Variants in TRIO observed in about 807,000 individuals in gnomAD.
The protein encoded by TRIO is triple functional domain protein.
Under a neutral mutation model 351.9 loss-of-function variants are expected in TRIO, and 58 were observed. The ratio of observed to expected loss-of-function variants is 0.16; its 90% confidence interval spans 0.13 to 0.21. TRIO has a LOEUF of 0.21. Ranked by LOEUF, TRIO falls within the 10% of genes least tolerant of loss-of-function variation. The pLI is 1.00. For missense variants in TRIO, 3,201 were observed against 4,027.8 expected (o/e 0.79, Z 5.56); for synonymous variants, 1,758 against 1,595.7 (o/e 1.10, Z -2.42).
intron 41 of TRIO, chr5:14,477,315 G>A (rs1363114971): frequency 1.6e-5 from 3 of 184,796 alleles, no homozygotes; most frequent in Non-Finnish European, 3.3e-5. Flanking sequence ...CAAATAGTGT[G>A]GATATCGAAA....
chr5:14,380,332 CTCCT>C (rs1196916759), intron 20 of TRIO, among the ~76,000 whole-genome samples: 4 of 108,278 alleles, frequency 3.7e-5, no homozygotes, highest in Admixed American at 1.8e-4. Flanking sequence ...GCCCCGCCTC[CTCCT>C]TCGCTCCTCG....
chr5:14,243,807 G>A (rs1176933449), intron 1 of TRIO, among the ~76,000 whole-genome samples: 1 of 152,090 alleles, frequency 6.6e-6, no homozygotes, highest in East Asian at 1.9e-4. Flanking sequence ...TTTTGGTATA[G>A]GCATGCCAAT....
chr5:14,492,339 A>G (rs954465647), intron 48 of TRIO: 7 of 584,264 alleles, frequency 1.2e-5, no homozygotes, highest in African/African-American at 3.7e-5. Context: ...TGAATTTTTT[A>G]AGAGCGTCCC....
At chr5:14,448,315 CA>C (rs1752587944) in intron 34 of TRIO, among the ~76,000 whole-genome samples, 4 of 152,268 alleles carry the variant, frequency 2.6e-5, no homozygotes, top group Non-Finnish European at 1.5e-5. Flanking sequence ...CAGAGTGCCG[CA>C]GCAGGCTGTC....
chr5:14,446,186 G>A (rs1752427321), intron 34 of TRIO, among the ~76,000 whole-genome samples: 1 of 146,746 alleles, frequency 6.8e-6, no homozygotes, highest in Non-Finnish European at 1.5e-5. Flanking sequence ...TGATCACTCC[G>A]AGGCTTGACA....
At chr5:14,203,571 C>G (rs1791270836) in intron 1 of TRIO, among the ~76,000 whole-genome samples, 1 of 152,128 alleles carries the variant, frequency 6.6e-6, no homozygotes, top group Non-Finnish European at 1.5e-5. Flanking sequence ...TGGAAATGAC[C>G]TTTTTATATT....
intron 21 of TRIO, among the ~76,000 whole-genome samples, chr5:14,382,721 A>G (rs925786222): frequency 6.6e-6 from 1 of 152,174 alleles, no homozygotes; most frequent in South Asian, 2.1e-4. Context: ...AGTTATGCAC[A>G]TTATATGATC....
At chr5:14,218,172 T>C (rs1215630620) in intron 1 of TRIO, among the ~76,000 whole-genome samples, 1 of 152,220 alleles carries the variant, frequency 6.6e-6, no homozygotes, top group Non-Finnish European at 1.5e-5. Context: ...CTCTGCACTT[T>C]GTCATCTGTG....
chr5:14,304,287 T>C (rs1282946511), intron 7 of TRIO, among the ~76,000 whole-genome samples, 174 bp from the exon 8 acceptor site: 1 of 152,184 alleles, frequency 6.6e-6, no homozygotes, highest in African/African-American at 2.4e-5. Context: ...CACTCTGGGA[T>C]TGGAGTCCAG....
chr5:14,243,321 T>G (rs1241342349), intron 1 of TRIO, among the ~76,000 whole-genome samples: 1 of 152,194 alleles, frequency 6.6e-6, no homozygotes, highest in Non-Finnish European at 1.5e-5. Flanking sequence ...TGAAATGTTT[T>G]TTTTTTTTAA....
chr5:14,368,553 ACTGT>A (rs1021264515), intron 16 of TRIO, among the ~76,000 whole-genome samples, 151 bp from the exon 17 acceptor site: 5 of 152,178 alleles, frequency 3.3e-5, no homozygotes, highest in African/African-American at 9.7e-5. Context: ...TTTTTGCTAA[ACTGT>A]CTGCTGTGCT....
intron 40 of TRIO, 78 bp downstream of exon 40, chr5:14,474,175 A>T: frequency 7.2e-7 from 1 of 1,385,102 alleles, no homozygotes. Context: ...GGCCAAAGGG[A>T]ATTTATTCTG....
At chr5:14,476,438 T>C (rs1755080707) in intron 40 of TRIO, among the ~76,000 whole-genome samples, 1 of 152,226 alleles carries the variant, frequency 6.6e-6, no homozygotes, top group Non-Finnish European at 1.5e-5. Flanking sequence ...TAAGTTTCCA[T>C]ATATTTGTTA....
Position 14,462,850 on chromosome 5 carries a change from C to T in TRIO, c.5592C>T (p.Ala1864=), listed in dbSNP as rs150213367. ...SCGEEEGEEG[A]DAVPLPPPMA... is the part of the protein sequence containing the mutation. The stretch of plus-strand genomic sequence containing the variant: ...GAGAAGAGGAAGGCGAGGAGGGGGC[C>T]GACGCCGTGCCCCTGCCGCCACCCA... Residue 1864 remains alanine (A), a synonymous_variant, in exon 36 of 57, where the codon GCC becomes GCT. Coordinates refer to ENST00000344204, the MANE Select transcript of TRIO (RefSeq NM_007118.4). 3.8e-5 allele frequency: 62 copies of T among 1,613,500 alleles called. No homozygotes were observed. The highest frequency in any genetic ancestry group is 3.3e-4 in the Middle Eastern group (2 of 6,062).
intron 1 of TRIO, among the ~76,000 whole-genome samples, chr5:14,171,836 C>G (rs929684304): frequency 6.6e-6 from 1 of 152,064 alleles, no homozygotes; most frequent in African/African-American, 2.4e-5. Flanking sequence ...GCCTTTTCAG[C>G]CAGTTTGGGT....
rs1417461657 is a variant in TRIO, at chr5:14,145,225, A to ATT, written c.157+1344_157+1345dup. On this transcript the variant is annotated intron_variant, in intron 1 of 56. Coordinates refer to ENST00000344204, the MANE Select transcript of TRIO (RefSeq NM_007118.4). ...TCCCCAATCCGGGTCACGAGGAGCA[A>ATT]TTGCAGCGGGAGGGCGATGGTGAGA... is the stretch of plus-strand genomic sequence containing the variant. Among the ~76,000 whole-genome samples the ATT allele has an allele frequency of 2.6e-5, 4 of 152,304 alleles. No homozygotes were observed. In the South Asian group the frequency reaches 6.2e-4, roughly 24 times the overall value.
rs1350469294 is a variant in TRIO at position 14,481,776 on chromosome 5, T to A, written c.6465+158T>A. 3.5e-5 allele frequency: 17 copies of A among 485,678 alleles called. No individual in the cohort carries two copies. The East Asian group carries it at 7.9e-4, about 23-fold the overall frequency. 30.1% of individuals were successfully genotyped at this position (485,678 alleles called of 1,614,324 possible). A position where few individuals can be genotyped will look rare whatever the true frequency, so the allele number is the denominator to read the frequency against. On this transcript the variant is annotated intron_variant, in intron 45 of 56. Coordinates refer to ENST00000344204, the MANE Select transcript of TRIO (RefSeq NM_007118.4). ...TCTGATTGATATTTTATTTCCTTTT[T>A]TTTTTTTTTTTTTTTTTTGGTGCGT...
chr5:14,210,834 T>A (rs1791843448), intron 1 of TRIO, among the ~76,000 whole-genome samples: 1 of 152,176 alleles, frequency 6.6e-6, no homozygotes, highest in Non-Finnish European at 1.5e-5. Flanking sequence ...GAAGTGGATG[T>A]CAGAGGATGA....
intron 8 of TRIO, among the ~76,000 whole-genome samples, chr5:14,309,954 T>G (rs963092598): frequency 3.3e-5 from 5 of 152,202 alleles, no homozygotes; most frequent in African/African-American, 9.6e-5. Context: ...TTTGGGAAAC[T>G]TTCCCAGCAT....
Sources: gnomAD v4.1 joint callset for allele counts (sites outside exome capture counted in the v4.1 genomes callset) on GRCh38, gnomAD v4.1.1 for gene constraint, MANE v1.5 for transcripts, NCBI Gene and HGNC (gene_info 2026-07-23, HGNC 2026-07-21) for gene names.